Variants in NAALADL2 observed in about 807,000 individuals in gnomAD.
NAALADL2 encodes N-acetylated alpha-linked acidic dipeptidase like 2.
In NAALADL2, 76 loss-of-function variants were observed where a neutral mutation model predicts 87.2. That is an observed-to-expected ratio of 0.87 (90% CI 0.72 to 1.05). NAALADL2 has a LOEUF of 1.05. Among genes scored for constraint, NAALADL2 ranks in the 50% least tolerant of loss-of-function variants. The probability of loss-of-function intolerance (pLI) is 0.00; values close to 1 mark genes in which losing one functional copy is unlikely to be tolerated. For missense variants in NAALADL2, 1,089 were observed against 945.8 expected (o/e 1.15, Z -1.99); for synonymous variants, 354 against 331.0 (o/e 1.07, Z -0.75).
chr3:174,451,130 C>T (rs955152519), intron 1 of NAALADL2, among the ~76,000 whole-genome samples: 11 of 152,044 alleles, frequency 7.2e-5, no homozygotes, highest in Non-Finnish European at 1.3e-4. Flanking sequence ...TTACTTTCAA[C>T]GAGAATAACA....
intron 5 of NAALADL2, among the ~76,000 whole-genome samples, chr3:175,429,844 T>C (rs961612670): frequency 2.6e-5 from 4 of 151,938 alleles, no homozygotes; most frequent in Non-Finnish European, 5.9e-5. Flanking sequence ...AAAAGAAATG[T>C]CACAGGGTAA....
rs528428732 is a variant in NAALADL2 at position 175,519,697 on chromosome 3, A to G, written c.1653+47939A>G. 2.6e-5 allele frequency among the ~76,000 whole-genome samples: 4 copies of G among 152,338 alleles called. No homozygotes were observed. The South Asian group carries it at 6.2e-4, about 24-fold the overall frequency. On this transcript the variant is annotated intron_variant, in intron 9 of 13. Coordinates refer to ENST00000454872, the MANE Select transcript of NAALADL2 (RefSeq NM_207015.3). Reference sequence around the variant, plus strand: ...ATAAAATTGAATCCACTTAATTCCTATTCACCGAAATAAAAGATAAGGTGT... The same window carrying G: ...ATAAAATTGAATCCACTTAATTCCTGTTCACCGAAATAAAAGATAAGGTGT...
chr3:174,642,788 A>C (rs1210203120), intron 2 of NAALADL2, among the ~76,000 whole-genome samples: 1 of 88,194 alleles, frequency 1.1e-5, no homozygotes, highest in African/African-American at 5.2e-5. Context: ...ATATATATAT[A>C]TGTTTTTTTT....
chr3:175,041,992 A>G (rs544878830), intron 1 of NAALADL2, among the ~76,000 whole-genome samples: 38 of 152,308 alleles, frequency 2.5e-4, no homozygotes, highest in African/African-American at 6.7e-4. Context: ...ATTATTAACT[A>G]TAGTCAGCAT....
chr3:174,819,440 ATATAT>A (rs756372963), intron 3 of NAALADL2, among the ~76,000 whole-genome samples: 5 of 152,020 alleles, frequency 3.3e-5, no homozygotes, highest in Non-Finnish European at 7.4e-5. Flanking sequence ...AAAAGCAATA[ATATAT>A]TAAAAGTAAA....
intron 11 of NAALADL2, among the ~76,000 whole-genome samples, chr3:175,695,369 C>T (rs1331358606): frequency 1.3e-5 from 2 of 152,030 alleles, no homozygotes; most frequent in Non-Finnish European, 2.9e-5. Context: ...CATTCTTTGC[C>T]TAGTGAAATA....
chr3:175,545,881 T>A (rs959838612), intron 9 of NAALADL2, among the ~76,000 whole-genome samples: 1 of 152,176 alleles, frequency 6.6e-6, no homozygotes, highest in African/African-American at 2.4e-5. Context: ...GATCTATTGA[T>A]GAACTTAACA....
At chr3:174,956,871 T>A (rs985573702) in intron 1 of NAALADL2, among the ~76,000 whole-genome samples, 3 of 152,018 alleles carry the variant, frequency 2.0e-5, no homozygotes, top group Non-Finnish European at 4.4e-5. Context: ...AACAGAACAG[T>A]ATTTTGCAGA....
intron 5 of NAALADL2, among the ~76,000 whole-genome samples, chr3:175,438,623 C>A (rs999843732): frequency 3.3e-5 from 5 of 151,914 alleles, no homozygotes; most frequent in African/African-American, 9.7e-5. Flanking sequence ...AGTATTAATA[C>A]TTTTAGTTTG....
intron 5 of NAALADL2, among the ~76,000 whole-genome samples, chr3:175,360,703 C>G (rs919086605): frequency 5.9e-5 from 9 of 151,848 alleles, no homozygotes; most frequent in Admixed American, 3.9e-4. Flanking sequence ...CAGATTCAAT[C>G]TTTTTTCTAT....
intron 13 of NAALADL2, among the ~76,000 whole-genome samples, chr3:175,771,991 T>C (rs1441402782): frequency 6.6e-6 from 1 of 152,110 alleles, no homozygotes; most frequent in African/African-American, 2.4e-5. Context: ...AACCACCCCA[T>C]GATTCAGTTA....
At chr3:174,560,225 TGTTCACATCCAAATATAAA>T (rs1408508551) in intron 2 of NAALADL2, among the ~76,000 whole-genome samples, 1 of 152,186 alleles carries the variant, frequency 6.6e-6, no homozygotes. Context: ...GCTTTTACAA[TGTTCACATCCAAATATAAA>T]GTTGTATCTT....
chr3:175,719,223 A>G (rs567842875), intron 11 of NAALADL2, among the ~76,000 whole-genome samples: 4 of 106,894 alleles, frequency 3.7e-5, no homozygotes, highest in Admixed American at 1.8e-4. Flanking sequence ...GGGGGTTACA[A>G]AAAAAAAAAA....
At chr3:175,203,234 C>T (rs374232769) in intron 2 of NAALADL2, among the ~76,000 whole-genome samples, 1 of 152,262 alleles carries the variant, frequency 6.6e-6, no homozygotes, top group African/African-American at 2.4e-5. Flanking sequence ...CACCCCACTC[C>T]TCTGGCCACC....
At chr3:175,480,091 GTGTT>G (rs149428831) in intron 9 of NAALADL2, among the ~76,000 whole-genome samples, 4,608 of 151,606 alleles carry the variant, frequency 0.03, 209 homozygotes, top group African/African-American at 0.1. Context: ...TCTTTTATTT[GTGTT>G]TGTTTGTTTA....
At chr3:175,680,852 C>T (rs1012076209) in intron 11 of NAALADL2, among the ~76,000 whole-genome samples, 2 of 152,174 alleles carry the variant, frequency 1.3e-5, no homozygotes, top group African/African-American at 4.8e-5. Context: ...CAGTAGCTCA[C>T]GCCTGTAATC....
At chr3:174,665,061 C>G (rs141369690) in intron 2 of NAALADL2, among the ~76,000 whole-genome samples, 2 of 152,312 alleles carry the variant, frequency 1.3e-5, no homozygotes, top group African/African-American at 4.8e-5. Flanking sequence ...AGACTCTAAA[C>G]TCAGTCTTGT....
chr3:175,094,740 A>AT lies in NAALADL2; in HGVS notation c.44-2050_44-2049insT, dbSNP rs569764337. Reference sequence around the variant, plus strand: ...TACACATAGACTAAATGTTAAAAAAAAAGCACCAGACACTATAGTGTGTGT... The same window carrying AT: ...TACACATAGACTAAATGTTAAAAAAATAAGCACCAGACACTATAGTGTGTGT... On this transcript the variant is annotated intron_variant, in intron 1 of 13. Transcript: ENST00000454872. 1.7e-4 allele frequency among the ~76,000 whole-genome samples: 19 copies of AT among 114,892 alleles called. No individual in the cohort carries two copies. In the South Asian group the frequency reaches 4.6e-3, roughly 28 times the overall value. The allele number at this position is 114,892 out of a possible 152,430, so 75.4% of individuals were successfully genotyped here. A position where few individuals can be genotyped will look rare whatever the true frequency, so the allele number is the denominator to read the frequency against.
chr3:175,705,000 A>G (rs985562537), intron 11 of NAALADL2, among the ~76,000 whole-genome samples: 24 of 152,220 alleles, frequency 1.6e-4, no homozygotes, highest in African/African-American at 4.8e-4. Flanking sequence ...TTGCCCCTAC[A>G]TTTGAAAAAT....
Sources: gnomAD v4.1 joint callset for allele counts (sites outside exome capture counted in the v4.1 genomes callset) on GRCh38, gnomAD v4.1.1 for gene constraint, MANE v1.5 for transcripts, NCBI Gene and HGNC (gene_info 2026-07-23, HGNC 2026-07-21) for gene names.